MEIS2: variants seen among roughly 807,000 people sequenced by gnomAD.
MEIS2 encodes the protein homeobox protein Meis2.
A neutral mutation model predicts 58.6 loss-of-function variants in MEIS2; 9 were observed. The observed-to-expected ratio is 0.15, with a 90% CI of 0.09 to 0.27. The LOEUF (loss-of-function observed/expected upper bound fraction) is 0.27. Ranked by LOEUF, MEIS2 falls within the 10% of genes least tolerant of loss-of-function variation. The pLI is 1.00. For synonymous variants in MEIS2, 221 were observed against 228.4 expected (o/e 0.97, Z 0.29); for missense variants, 427 against 635.0 (o/e 0.67, Z 3.52).
At chr15:37,075,983 T>C (rs767400705) in intron 7 of MEIS2, among the ~76,000 whole-genome samples, 1 of 152,052 alleles carries the variant, frequency 6.6e-6, no homozygotes, top group Non-Finnish European at 1.5e-5. Flanking sequence ...TTCACTTTCA[T>C]TTTAATGAGG....
intron 8 of MEIS2, among the ~76,000 whole-genome samples, chr15:36,971,858 A>G (rs1488041090): frequency 6.6e-6 from 1 of 152,192 alleles, no homozygotes; most frequent in African/African-American, 2.4e-5. Flanking sequence ...GTGGCAGAAT[A>G]TGCTCTCCCA....
intron 8 of MEIS2, among the ~76,000 whole-genome samples, chr15:36,986,424 A>G (rs542816709): frequency 3.5e-4 from 54 of 152,340 alleles, no homozygotes; most frequent in African/African-American, 1.2e-3. Context: ...GAGGAGGGAA[A>G]AAGAACTTGC....
At chr15:36,990,271 C>A (rs1014848360) in intron 8 of MEIS2, among the ~76,000 whole-genome samples, 1 of 151,994 alleles carries the variant, frequency 6.6e-6, no homozygotes, top group Non-Finnish European at 1.5e-5. Context: ...TGTACACACT[C>A]CCCAAAGAAA....
chr15:37,024,652 G>T (rs1305805659), intron 8 of MEIS2, among the ~76,000 whole-genome samples: 2 of 152,216 alleles, frequency 1.3e-5, no homozygotes, highest in African/African-American at 4.8e-5. Context: ...CATCCAGATT[G>T]AAACTGTCTT....
At chr15:37,094,371 C>A (rs1893934907) in intron 5 of MEIS2, 156 bp downstream of exon 5, 7 of 668,422 alleles carry the variant, frequency 1.0e-5, no homozygotes, top group Non-Finnish European at 1.8e-5. Context: ...CCTCTGAGCC[C>A]CTGTGTTGAG....
At chr15:37,014,058 G>A (rs2061258952) in intron 8 of MEIS2, among the ~76,000 whole-genome samples, 1 of 152,198 alleles carries the variant, frequency 6.6e-6, no homozygotes, top group African/African-American at 2.4e-5. Flanking sequence ...TTGAGTGGTG[G>A]TGGTAGAATG....
intron 8 of MEIS2, among the ~76,000 whole-genome samples, chr15:37,029,842 G>A (rs2061844889): frequency 6.6e-6 from 1 of 152,136 alleles, no homozygotes; most frequent in African/African-American, 2.4e-5. Flanking sequence ...AGGCTTCCAA[G>A]TTCACAGCTG....
At chr15:36,899,338 C>A (rs1193083476) in intron 9 of MEIS2, among the ~76,000 whole-genome samples, 1 of 152,034 alleles carries the variant, frequency 6.6e-6, no homozygotes, top group Non-Finnish European at 1.5e-5. Context: ...TGTAAGAAAA[C>A]CCTGACATTA....
At chr15:36,978,796 A>G (rs945363587) in intron 8 of MEIS2, among the ~76,000 whole-genome samples, 1 of 152,172 alleles carries the variant, frequency 6.6e-6, no homozygotes, top group Admixed American at 6.5e-5. Flanking sequence ...ATACATCTCT[A>G]TTACATTTTG....
At chr15:37,046,240 A>T (rs1242564538) in intron 7 of MEIS2, among the ~76,000 whole-genome samples, 1 of 152,090 alleles carries the variant, frequency 6.6e-6, no homozygotes, top group African/African-American at 2.4e-5. Flanking sequence ...GTGATGGGAG[A>T]TTTCTACAAC....
intron 6 of MEIS2, among the ~76,000 whole-genome samples, chr15:37,085,743 A>G (rs1375219237): frequency 2.6e-5 from 4 of 152,168 alleles, no homozygotes; most frequent in Non-Finnish European, 5.9e-5. Context: ...GAGTAGAATA[A>G]AATAAAAGTC....
chr15:37,003,857 G>T (rs764973171), intron 8 of MEIS2, among the ~76,000 whole-genome samples: 5 of 152,144 alleles, frequency 3.3e-5, no homozygotes, highest in Admixed American at 6.6e-5. Context: ...CACCCCTTCT[G>T]CCATATGAGG....
chr15:37,030,959 C>G (rs2061896344), intron 8 of MEIS2, among the ~76,000 whole-genome samples: 1 of 152,182 alleles, frequency 6.6e-6, no homozygotes, highest in African/African-American at 2.4e-5. Context: ...ATTTGTTTGG[C>G]AAAACCTGGT....
At chr15:36,934,761 C>G (rs2058102298) in intron 9 of MEIS2, among the ~76,000 whole-genome samples, 1 of 152,126 alleles carries the variant, frequency 6.6e-6, no homozygotes, top group Admixed American at 6.6e-5. Flanking sequence ...AAGTTCATAG[C>G]CAGCTAAATC....
At chr15:37,020,436 T>C (rs1178802539) in intron 8 of MEIS2, among the ~76,000 whole-genome samples, 2 of 152,112 alleles carry the variant, frequency 1.3e-5, no homozygotes, top group Non-Finnish European at 2.9e-5. Context: ...CAAACAAACC[T>C]TACACATAAT....
chr15:36,895,604 G>A (rs908872131), intron 10 of MEIS2, among the ~76,000 whole-genome samples: 6 of 152,196 alleles, frequency 3.9e-5, no homozygotes, highest in Admixed American at 3.3e-4. Flanking sequence ...GGGATTCTCT[G>A]AGGCTGCCAT....
chr15:37,095,805 C>A lies in MEIS2; in HGVS notation c.388-191G>T, dbSNP rs1424470114. 6 of 754,858 alleles carry A rather than the reference C, an allele frequency of 7.9e-6. No homozygotes were observed. In the Admixed American group the frequency reaches 8.3e-5, roughly 10 times the overall value. The allele number at this position is 754,858 out of a possible 1,614,324, so 46.8% of individuals were successfully genotyped here. ...AATCAGGGCATTCTGGTCCTGGCCC[C>A]ATTAAGGGGGACCTGGTACGACTAA... On this transcript the variant is annotated intron_variant, in intron 3 of 11. Coordinates refer to ENST00000561208, the MANE Select transcript of MEIS2 (RefSeq NM_170675.5).
intron 9 of MEIS2, among the ~76,000 whole-genome samples, chr15:36,936,352 C>T (rs1274801003): frequency 2.0e-5 from 3 of 152,182 alleles, no homozygotes; most frequent in Non-Finnish European, 1.5e-5. Flanking sequence ...CCTGTCACCA[C>T]GCCCAGCTAA....
intron 6 of MEIS2, among the ~76,000 whole-genome samples, chr15:37,087,597 G>C (rs977463960): frequency 4.2e-5 from 6 of 142,278 alleles, no homozygotes; most frequent in African/African-American, 1.5e-4. Context: ...TCCCTTGAAA[G>C]TTAAAAAAAA....
Sources: gnomAD v4.1 joint callset for allele counts (sites outside exome capture counted in the v4.1 genomes callset) on GRCh38, gnomAD v4.1.1 for gene constraint, MANE v1.5 for transcripts, NCBI Gene and HGNC (gene_info 2026-07-23, HGNC 2026-07-21) for gene names.